Variants in TRIO observed in about 807,000 individuals in gnomAD.
TRIO encodes trio Rho guanine nucleotide exchange factor.
Under a neutral mutation model 351.9 loss-of-function variants are expected in TRIO, and 58 were observed. That is an observed-to-expected ratio of 0.16 (90% CI 0.13 to 0.21). TRIO has a LOEUF of 0.21. Among genes scored for constraint, TRIO ranks in the 10% least tolerant of loss-of-function variants. The pLI, the probability that TRIO is intolerant of heterozygous loss-of-function variation, is 1.00. For synonymous variants in TRIO, 1,758 were observed against 1,595.7 expected (o/e 1.10, Z -2.42); for missense variants, 3,201 against 4,027.8 (o/e 0.79, Z 5.56).
intron 1 of TRIO, among the ~76,000 whole-genome samples, chr5:14,155,133 CT>C: frequency 6.6e-6 from 1 of 152,260 alleles, no homozygotes; most frequent in Admixed American, 6.5e-5. Flanking sequence ...TGGGGGTAAA[CT>C]TACTTTGAGA....
chr5:14,291,718 G>A (rs191266056), intron 5 of TRIO, among the ~76,000 whole-genome samples: 1 of 147,812 alleles, frequency 6.8e-6, no homozygotes, highest in African/African-American at 2.5e-5. Flanking sequence ...GAACCCATGA[G>A]GCAGAGGTTG....
At position 14,270,932 on chromosome 5, in the gene TRIO, A is replaced by G. The variant is rs140860610; in HGVS notation, c.232+33A>G. The G allele has an allele frequency of 2.1e-4, 315 of 1,474,990 alleles. 5 individuals are homozygous for G. The East Asian group carries it at 4.2e-3, about 20-fold the overall frequency. 91.4% of individuals were successfully genotyped at this position (1,474,990 alleles called of 1,614,324 possible). A position where few individuals can be genotyped will look rare whatever the true frequency, so the allele number is the denominator to read the frequency against. ...TTAACTTTCAACTCTGCTCTATCCA[A>G]CTGCTCTGACACAATTTCAGAGTCT... On this transcript the variant is annotated intron_variant, in intron 2 of 56. Coordinates refer to ENST00000344204, the MANE Select transcript of TRIO (RefSeq NM_007118.4).
rs568690660 is a variant in TRIO, at chr5:14,211,976, A to C, written c.158-58849A>C. Among the ~76,000 whole-genome samples, 30 of 151,578 alleles carry C rather than the reference A, an allele frequency of 2.0e-4. No homozygotes were observed. In the East Asian group the frequency reaches 3.5e-3, roughly 18 times the overall value. On this transcript the variant is annotated intron_variant, in intron 1 of 56. Coordinates refer to ENST00000344204, the MANE Select transcript of TRIO (RefSeq NM_007118.4). ...CAAAAAAAAAAACCAAAAAAACAAA[A>C]ACAAACAAACAAAAAAACCAGGCAT... is the stretch of plus-strand genomic sequence containing the variant.
chr5:14,202,294 A>ATTTTTTTTTTTTTTTTTTTTTTTTTT (rs60827656), intron 1 of TRIO, among the ~76,000 whole-genome samples: 1 of 33,534 alleles, frequency 3.0e-5, no homozygotes, highest in Non-Finnish European at 5.8e-5. Flanking sequence ...TATTTTTGTG[A>ATTTTTTTTTTTTTTTTTTTTTTTTTT]TTTTTTTTTT....
intron 43 of TRIO, 79 bp from the exon 44 acceptor site, chr5:14,481,155 G>C (rs2126604618): frequency 6.8e-7 from 1 of 1,476,220 alleles, no homozygotes; most frequent in Non-Finnish European, 9.2e-7. Context: ...GTGAGACCCT[G>C]TCTCTTAAAA....
chr5:14,379,903 C>G (rs538053420), intron 20 of TRIO, among the ~76,000 whole-genome samples: 5 of 152,196 alleles, frequency 3.3e-5, no homozygotes, highest in Non-Finnish European at 7.3e-5. Context: ...TTTCGCAGAC[C>G]GGCCTCCAGG....
intron 42 of TRIO, among the ~76,000 whole-genome samples, chr5:14,479,571 T>A (rs1462269050): frequency 2.0e-5 from 3 of 152,196 alleles, no homozygotes; most frequent in Non-Finnish European, 4.4e-5. Flanking sequence ...GCAGTCATTG[T>A]TAAAAATAAG....
At chr5:14,369,153 A>G (rs1211083722) in intron 17 of TRIO, among the ~76,000 whole-genome samples, 1 of 152,150 alleles carries the variant, frequency 6.6e-6, no homozygotes, top group African/African-American at 2.4e-5. Context: ...CATTAGAGAG[A>G]GACAGGATAT....
intron 1 of TRIO, among the ~76,000 whole-genome samples, chr5:14,148,937 G>A (rs964841269): frequency 7.9e-5 from 12 of 152,184 alleles, no homozygotes; most frequent in South Asian, 2.1e-4. Flanking sequence ...GGTTCTCTTC[G>A]TCCTATTCCA....
chr5:14,296,448 TGAA>T (rs1462622478), intron 6 of TRIO, among the ~76,000 whole-genome samples: 17 of 152,182 alleles, frequency 1.1e-4, no homozygotes, highest in Admixed American at 1.1e-3. Context: ...CTGATAGACT[TGAA>T]GATAGGAATT....
intron 1 of TRIO, among the ~76,000 whole-genome samples, chr5:14,175,702 T>C (rs1309790720): frequency 6.6e-6 from 1 of 152,222 alleles, no homozygotes; most frequent in Non-Finnish European, 1.5e-5. Flanking sequence ...CATTGAAAAT[T>C]ACACAAATAT....
At chr5:14,392,288 C>T (rs1330347950) in intron 27 of TRIO, among the ~76,000 whole-genome samples, 1 of 151,514 alleles carries the variant, frequency 6.6e-6, no homozygotes, top group Non-Finnish European at 1.5e-5. Flanking sequence ...TGAACAGACA[C>T]TTTTCAAAAG....
At chr5:14,445,526 T>C (rs1752374822) in intron 34 of TRIO, among the ~76,000 whole-genome samples, 1 of 152,222 alleles carries the variant, frequency 6.6e-6, no homozygotes, top group Non-Finnish European at 1.5e-5. Flanking sequence ...ACCATCTCAA[T>C]CATATCCATT....
In TRIO at chr5:14,263,757, G is replaced by C. The variant is rs115368175; in HGVS notation, c.158-7068G>C. 5.2e-3 allele frequency among the ~76,000 whole-genome samples: 791 copies of C among 152,304 alleles called. 10 individuals carry two copies. The highest frequency in any genetic ancestry group is 0.018 in the African/African-American group (762 of 41,548). ...TATGTGCATGTATGTGTGTGTGTAT[G>C]GGTAAGGGGATGTATATATGTAGAT... On this transcript the variant is annotated intron_variant, in intron 1 of 56. Coordinates refer to ENST00000344204, the MANE Select transcript of TRIO (RefSeq NM_007118.4).
chr5:14,505,626 TAAAG>T (rs534179515), intron 55 of TRIO, among the ~76,000 whole-genome samples: 4 of 152,112 alleles, frequency 2.6e-5, no homozygotes, highest in Non-Finnish European at 4.4e-5. Context: ...ATTTTTTTCT[TAAAG>T]AAACTATAAA....
chr5:14,409,353 C>G lies in TRIO; in HGVS notation c.4959+2681C>G, dbSNP rs573616337. 9.4e-5 allele frequency among the ~76,000 whole-genome samples: 14 copies of G among 149,728 alleles called. 1 individual carries two copies. In the South Asian group the frequency reaches 2.1e-3, roughly 23 times the overall value. On this transcript the variant is annotated intron_variant, in intron 33 of 56. Coordinates refer to ENST00000344204, the MANE Select transcript of TRIO (RefSeq NM_007118.4). ...ATCCAACGAAAGAGGAAGAATAAATCACTACCAGAACAGTATAGGTTTGCC... is the reference window on the plus strand; with the variant it reads ...ATCCAACGAAAGAGGAAGAATAAATGACTACCAGAACAGTATAGGTTTGCC...
intron 1 of TRIO, among the ~76,000 whole-genome samples, chr5:14,191,026 C>T (rs895844692): frequency 1.3e-5 from 2 of 152,186 alleles, no homozygotes; most frequent in Non-Finnish European, 2.9e-5. Context: ...AAAGGGGCAG[C>T]TGCAGGAGGA....
intron 34 of TRIO, among the ~76,000 whole-genome samples, chr5:14,423,924 ATTTTTTTTTTTTT>A (rs577094390): frequency 8.5e-6 from 1 of 118,184 alleles, no homozygotes; most frequent in African/African-American, 3.3e-5. Flanking sequence ...ACCCCATGGA[ATTTTTTTTTTTTT>A]TTTTTTTTTT....
At chr5:14,161,084 A>G (rs1037357567) in intron 1 of TRIO, among the ~76,000 whole-genome samples, 2 of 151,880 alleles carry the variant, frequency 1.3e-5, no homozygotes, top group African/African-American at 2.4e-5. Flanking sequence ...TAATTTTTGT[A>G]TTTTTGTAGA....
Sources: allele counts gnomAD v4.1 joint callset (sites outside exome capture counted in the v4.1 genomes callset), GRCh38; gene constraint gnomAD v4.1.1; transcripts MANE v1.5; gene names NCBI Gene and HGNC (gene_info 2026-07-23, HGNC 2026-07-21).